MMP26: variants seen among roughly 807,000 people sequenced by gnomAD.
The protein encoded by MMP26 is matrix metallopeptidase 26.
Under a neutral mutation model 31.0 loss-of-function variants are expected in MMP26, and 33 were observed. That is an observed-to-expected ratio of 1.06 (90% CI 0.81 to 1.42). The LOEUF (loss-of-function observed/expected upper bound fraction) is 1.42. Among genes scored for constraint, MMP26 ranks in the 40% most tolerant of loss-of-function variants. MMP26 has a pLI of 0.00. For missense variants in MMP26, 347 were observed against 316.1 expected, an observed-to-expected ratio of 1.10 and a Z score of -0.74; for synonymous variants, 122 against 114.9, an observed-to-expected ratio of 1.06 and a Z score of -0.40.
chr11:4,807,997 G>A (rs1017417440), intron 2 of MMP26, among the ~76,000 whole-genome samples: 2 of 151,932 alleles, frequency 1.3e-5, no homozygotes, highest in Non-Finnish European at 2.9e-5. Context: ...ATAGAGACAG[G>A]GTCTCACTAT....
chr11:4,723,634 T>C (rs1404830119), intron 1 of MMP26: 2 of 874,464 alleles, frequency 2.3e-6, no homozygotes, highest in African/African-American at 1.6e-5. Flanking sequence ...TGCACACTTA[T>C]TGATCTCATC....
chr11:4,908,556 A>G, intron 2 of MMP26: 1 of 517,776 alleles, frequency 1.9e-6, no homozygotes, highest in South Asian at 2.1e-5. Context: ...TCTGTGATGG[A>G]GCAGCTGGAT....
intron 2 of MMP26, among the ~76,000 whole-genome samples, chr11:4,829,131 C>A (rs577112015): frequency 6.6e-6 from 1 of 152,260 alleles, no homozygotes; most frequent in South Asian, 2.1e-4. Context: ...CTGGCATGAT[C>A]TTGCAGTAAA....
intron 2 of MMP26, among the ~76,000 whole-genome samples, chr11:4,920,543 AG>A (rs928735531): frequency 7.9e-5 from 12 of 152,206 alleles, no homozygotes; most frequent in African/African-American, 2.7e-4. Flanking sequence ...CCCAGATGTA[AG>A]AAGTGCTCAG....
At chr11:4,709,925 A>C (rs1847836696) in intron 1 of MMP26, 3 of 456,840 alleles carry the variant, frequency 6.6e-6, no homozygotes, top group Admixed American at 2.3e-5. Context: ...TACTTTTGGC[A>C]ATGGCCTTTG....
Position 4,955,193 on chromosome 11 carries a change from T to G in MMP26, c.-144-32875T>G, listed in dbSNP as rs1253380183. On this transcript the variant is annotated intron_variant, in intron 2 of 7. Transcript: ENST00000380390. The stretch of plus-strand genomic sequence containing the variant: ...GAGACAGTAGGAATGGGATAATTGG[T>G]TTTTCTTGCAATATCTCAAGCTTCT... The G allele has an allele frequency of 2.6e-5, 34 of 1,293,504 alleles. 4 individuals carry two copies. The highest frequency in any genetic ancestry group is 3.2e-5 in the African/African-American group (2 of 62,976). 80.1% of individuals were successfully genotyped at this position (1,293,504 alleles called of 1,614,324 possible).
At chr11:4,823,890 C>T (rs2133474559) in intron 2 of MMP26, among the ~76,000 whole-genome samples, 1 of 152,202 alleles carries the variant, frequency 6.6e-6, no homozygotes, top group South Asian at 2.1e-4. Context: ...CTCCATTAAT[C>T]ACTCTCAATA....
chr11:4,707,456 A>G (rs1847795244), intron 1 of MMP26, among the ~76,000 whole-genome samples: 1 of 152,140 alleles, frequency 6.6e-6, no homozygotes, highest in Admixed American at 6.6e-5. Context: ...TGGTTTGCAA[A>G]TTGGGTTTAT....
intron 2 of MMP26, among the ~76,000 whole-genome samples, chr11:4,916,289 T>C (rs1282279819): frequency 1.3e-5 from 2 of 152,140 alleles, no homozygotes; most frequent in Non-Finnish European, 2.9e-5. Flanking sequence ...AGCATACTCC[T>C]TGTGTTGTAG....
At chr11:4,757,628 G>A (rs1564902457) in intron 1 of MMP26, among the ~76,000 whole-genome samples, 1 of 151,718 alleles carries the variant, frequency 6.6e-6, no homozygotes, top group Admixed American at 6.6e-5. Flanking sequence ...AATTAAAAAT[G>A]GGCAAAATAT....
intron 2 of MMP26, chr11:4,915,568 G>A: frequency 6.2e-7 from 1 of 1,614,030 alleles, no homozygotes; most frequent in Non-Finnish European, 8.5e-7. Flanking sequence ...GTGGGATGGA[G>A]ATCCAGATGT....
chr11:4,987,741 G>T (rs569324387), intron 2 of MMP26, among the ~76,000 whole-genome samples: 1 of 152,272 alleles, frequency 6.6e-6, no homozygotes, highest in Admixed American at 6.5e-5. Flanking sequence ...TTCATACTCT[G>T]ATCTGGATCT....
At chr11:4,733,171 C>T (rs1004299287) in intron 1 of MMP26, among the ~76,000 whole-genome samples, 2 of 152,216 alleles carry the variant, frequency 1.3e-5, no homozygotes, top group African/African-American at 4.8e-5. Flanking sequence ...TTAGGACCAG[C>T]TTGACAATTT....
chr11:4,781,247 G>A lies in MMP26; in HGVS notation c.-145+13906G>A, dbSNP rs549603379. ...AACTTTGAATTCTGTACACAAAAAAGGGTTAATTATTGTATGTATAATTTT... is the reference window on the plus strand; with the variant it reads ...AACTTTGAATTCTGTACACAAAAAAAGGTTAATTATTGTATGTATAATTTT... On this transcript the variant is annotated intron_variant, in intron 2 of 7. Coordinates refer to ENST00000380390, the MANE Select transcript of MMP26 (RefSeq NM_021801.5). Among the ~76,000 whole-genome samples, 4 of 152,138 alleles carry A rather than the reference G, an allele frequency of 2.6e-5. No homozygotes were observed. In the South Asian group the frequency reaches 8.3e-4, roughly 32 times the overall value.
chr11:4,955,803 G>A, intron 2 of MMP26: 6 of 1,066,568 alleles, frequency 5.6e-6, no homozygotes, highest in Non-Finnish European at 6.9e-6. Context: ...AGGCATATCT[G>A]TAAATTTAGT....
At chr11:4,970,864 G>A (rs1272040328) in intron 2 of MMP26, among the ~76,000 whole-genome samples, 1 of 152,158 alleles carries the variant, frequency 6.6e-6, no homozygotes, top group South Asian at 2.1e-4. Flanking sequence ...CTCAGGCCCC[G>A]CAGGGGCTTA....
intron 1 of MMP26, chr11:4,736,439 C>T (rs968688601): frequency 3.3e-5 from 5 of 152,128 alleles, no homozygotes; most frequent in Admixed American, 2.6e-4. Flanking sequence ...TCTTAATAAT[C>T]AGGATATAGG....
intron 7 of MMP26, 26 bp downstream of exon 7, chr11:4,992,151 G>A: frequency 6.2e-7 from 1 of 1,611,184 alleles, no homozygotes; most frequent in Non-Finnish European, 8.5e-7. Context: ...GGAAGAGAAG[G>A]GAGATCTGGG....
chr11:4,986,905 T>TCC (rs1846899080), intron 2 of MMP26, among the ~76,000 whole-genome samples: 1 of 48,646 alleles, frequency 2.1e-5, no homozygotes, highest in Non-Finnish European at 3.9e-5. Context: ...CTTCCTTCCT[T>TCC]TCTCTCTCTC....
Sources: gnomAD v4.1 joint callset for allele counts (sites outside exome capture counted in the v4.1 genomes callset) on GRCh38, gnomAD v4.1.1 for gene constraint, MANE v1.5 for transcripts, NCBI Gene and HGNC (gene_info 2026-07-23, HGNC 2026-07-21) for gene names.